The following KCTD7 variants were observed in gnomAD, a reference collection of about 807,000 sequenced individuals.
KCTD7 encodes the protein BTB/POZ domain-containing protein KCTD7.
In KCTD7, 15 loss-of-function variants were observed where a neutral mutation model predicts 27.0. The observed-to-expected ratio is 0.56, with a 90% confidence interval of 0.37 to 0.86. The LOEUF is 0.86. KCTD7 is among the 40% of genes least tolerant of loss of function. KCTD7 has a pLI of 0.00. For synonymous variants in KCTD7, 159 were observed against 162.7 expected (o/e 0.98, Z 0.17); for missense variants, 299 against 398.9 (o/e 0.75, Z 2.13).
chr7:66,639,194 A>G lies in KCTD7; in HGVS notation c.832A>G (p.Lys278Glu), dbSNP rs779871558. 6.2e-6 allele frequency: 10 copies of G among 1,613,608 alleles called. No individual in the cohort carries two copies. Among genetic ancestry groups the G allele is most frequent in the African/African-American group, 1.3e-5 (1 of 74,906 alleles). The change falls in exon 4 of 4, where the codon AAG becomes GAG. Residue 278 changes from lysine to glutamate, a missense_variant. Transcript: ENST00000639828. ...GCACCTCGTGAACCACTACTACTGC[A>G]AGCGCCCCATCTATGAGTTCAAGAT... Reference protein sequence around the residue: ...DKHLVNHYYCKRPIYEFKITW... With the variant: ...DKHLVNHYYCERPIYEFKITW...
Position 66,641,413 on chromosome 7 carries a change from C to T in KCTD7, c.*2181C>T. On this transcript the variant is annotated 3_prime_UTR_variant, in exon 4 of 4. Transcript: ENST00000639828. ...TTGACCCCTTCTGCTTCCCCCTTCT[C>T]CCATGGAGCATGGCAGGGCTTGGTT... 1 of 985,406 alleles carries T rather than the reference C, an allele frequency of 1.0e-6. No individual in the cohort carries two copies. Among genetic ancestry groups the T allele is most frequent in the East Asian group, 1.1e-4 (1 of 8,810 alleles). The allele number at this position is 985,406 out of a possible 1,614,324, so 61.0% of individuals were successfully genotyped here. A position where few individuals can be genotyped will look rare whatever the true frequency, so the allele number is the denominator to read the frequency against.
rs1158987400 is a variant in KCTD7, at chr7:66,642,052, C to T, written c.*2820C>T. ...TGCCTTGAGACGGGCCAGTAGTTAT[C>T]AGTGAGTCAAAGCAAAGTGAAAGTT... On this transcript the variant is annotated 3_prime_UTR_variant, in exon 4 of 4. Transcript: ENST00000639828. The T allele has an allele frequency of 1.0e-6, 1 of 985,274 alleles. No individual in the cohort carries two copies. The highest frequency in any genetic ancestry group is 6.2e-5 in the Admixed American group (1 of 16,254). 61.0% of individuals were successfully genotyped at this position (985,274 alleles called of 1,614,324 possible). A position where few individuals can be genotyped will look rare whatever the true frequency, so the allele number is the denominator to read the frequency against.
Position 66,642,169 on chromosome 7 carries a change from G to C in KCTD7, c.*2937G>C. On this transcript the variant is annotated 3_prime_UTR_variant, in exon 4 of 4. Transcript: ENST00000639828. Reference sequence around the variant, plus strand: ...GTTATAGCAACAAAAAAAGACTGAAGCAAAACCACACTGAAATGCATCCCA... The same window carrying C: ...GTTATAGCAACAAAAAAAGACTGAACCAAAACCACACTGAAATGCATCCCA... The C allele has an allele frequency of 2.0e-6, 2 of 985,320 alleles. No individual in the cohort carries two copies. The highest frequency in any genetic ancestry group is 1.2e-6 in the Non-Finnish European group (1 of 829,918). The allele number at this position is 985,320 out of a possible 1,614,324, so 61.0% of individuals were successfully genotyped here. A position where few individuals can be genotyped will look rare whatever the true frequency, so the allele number is the denominator to read the frequency against.
Position 66,633,449 on chromosome 7 carries a change from G to C in KCTD7, c.314+5G>C, listed in dbSNP as rs752696472. On this transcript the variant is annotated splice_donor_5th_base_variant and intron_variant, in intron 2 of 3. Coordinates refer to ENST00000639828, the MANE Select transcript of KCTD7 (RefSeq NM_153033.5). ...CCGAGATGGCACACACTTTGGGTATGTCTCTCCCTCTACAATCAACTTTGT... is the reference window on the plus strand; with the variant it reads ...CCGAGATGGCACACACTTTGGGTATCTCTCTCCCTCTACAATCAACTTTGT... 9 of 1,614,096 alleles carry C rather than the reference G, an allele frequency of 5.6e-6. No individual in the cohort carries two copies. The highest frequency in any genetic ancestry group is 7.6e-6 in the Non-Finnish European group (9 of 1,179,988).
At position 66,639,595 on chromosome 7, in the gene KCTD7, A is replaced by C; in HGVS notation, c.*363A>C. The C allele has an allele frequency of 7.4e-7, 1 of 1,347,274 alleles. No homozygotes were observed. The allele number at this position is 1,347,274 out of a possible 1,614,324, so 83.5% of individuals were successfully genotyped here. A position where few individuals can be genotyped will look rare whatever the true frequency, so the allele number is the denominator to read the frequency against. On this transcript the variant is annotated 3_prime_UTR_variant, in exon 4 of 4. Transcript: ENST00000639828. ...GCCCATTTTAGAGCCACGTTACCAA[A>C]TCGATGTAGGCCTAATCACTTCCTC... is the stretch of plus-strand genomic sequence containing the variant.
At position 66,641,511 on chromosome 7, in the gene KCTD7, T is replaced by C; in HGVS notation, c.*2279T>C. On this transcript the variant is annotated 3_prime_UTR_variant, in exon 4 of 4. Coordinates refer to ENST00000639828, the MANE Select transcript of KCTD7 (RefSeq NM_153033.5). ...TGCAAGTTTGCTCAAAAACAGGTCC[T>C]GAAGGCTTGCTTAGGATTACAGGGA... The C allele has an allele frequency of 2.0e-6, 2 of 985,430 alleles. No homozygotes were observed. The highest frequency in any genetic ancestry group is 1.2e-6 in the Non-Finnish European group (1 of 829,932). The allele number at this position is 985,430 out of a possible 1,614,324, so 61.0% of individuals were successfully genotyped here. A position where few individuals can be genotyped will look rare whatever the true frequency, so the allele number is the denominator to read the frequency against.
chr7:66,632,441 C>T (rs1320602638), intron 1 of KCTD7, among the ~76,000 whole-genome samples: 6 of 145,090 alleles, frequency 4.1e-5, no homozygotes, highest in African/African-American at 7.7e-5. Context: ...GAGCCGAGAT[C>T]GCGCCACTGA....
rs149443387 is a variant in KCTD7 at position 66,642,084 on chromosome 7, G to C, written c.*2852G>C. The C allele has an allele frequency of 1.0e-6, 1 of 985,406 alleles. No individual in the cohort carries two copies. Among genetic ancestry groups the C allele is most frequent in the East Asian group, 1.1e-4 (1 of 8,818 alleles). 61.0% of individuals were successfully genotyped at this position (985,406 alleles called of 1,614,324 possible). ...TCAAAGCAAAGTGAAAGTTTCAGGAGATGGGACCAATGGTGCAATGCTCGC... is the reference window on the plus strand; with the variant it reads ...TCAAAGCAAAGTGAAAGTTTCAGGACATGGGACCAATGGTGCAATGCTCGC... On this transcript the variant is annotated 3_prime_UTR_variant, in exon 4 of 4. Transcript: ENST00000639828.
In KCTD7 at chr7:66,639,757, TCTC is replaced by T. The variant is rs764374588; in HGVS notation, c.*530_*532del. 5.7e-4 allele frequency: 715 copies of T among 1,249,782 alleles called. 2 individuals are homozygous for T. The highest frequency in any genetic ancestry group is 6.6e-4 in the Non-Finnish European group (656 of 997,978). 77.4% of individuals were successfully genotyped at this position (1,249,782 alleles called of 1,614,324 possible). ...GCATCTTCTCTCCCACTGCACCCCT[TCTC>T]CTCCAAGAATAGTTGCCCACATTCC... On this transcript the variant is annotated 3_prime_UTR_variant, in exon 4 of 4. Coordinates refer to ENST00000639828, the MANE Select transcript of KCTD7 (RefSeq NM_153033.5).
Position 66,641,202 on chromosome 7 carries a change from T to C in KCTD7, c.*1970T>C. ...CTTTTCTGGAGCTGATGTCCCTGCT[T>C]GGAGGTTAGCCCCAAAACATGGCTC... On this transcript the variant is annotated 3_prime_UTR_variant, in exon 4 of 4. Transcript: ENST00000639828. 1 of 985,416 alleles carries C rather than the reference T, an allele frequency of 1.0e-6. No individual in the cohort carries two copies. Among genetic ancestry groups the C allele is most frequent in the Non-Finnish European group, 1.2e-6 (1 of 829,938 alleles). 61.0% of individuals were successfully genotyped at this position (985,416 alleles called of 1,614,324 possible). A position where few individuals can be genotyped will look rare whatever the true frequency, so the allele number is the denominator to read the frequency against.
chr7:66,637,074 A>G (rs1047122898), intron 2 of KCTD7, among the ~76,000 whole-genome samples: 8 of 152,256 alleles, frequency 5.3e-5, no homozygotes, highest in African/African-American at 1.9e-4. Flanking sequence ...GCTTGTGTCC[A>G]CTAAAGGTTT....
At chr7:66,629,239 T>TGGGGAGGGGCGC (rs1786386237) in intron 1 of KCTD7, 31 bp downstream of exon 1, 3 of 1,019,002 alleles carry the variant, frequency 2.9e-6, no homozygotes, top group Non-Finnish European at 3.6e-6. Context: ...CCGCGGGGCG[T>TGGGGAGGGGCGC]GGGGAGGGGC....
At chr7:66,634,198 C>T (rs1325703299) in intron 2 of KCTD7, among the ~76,000 whole-genome samples, 1 of 137,142 alleles carries the variant, frequency 7.3e-6, no homozygotes, top group African/African-American at 2.6e-5. Context: ...GTGATTCTAT[C>T]TATCTATCTA....
intron 2 of KCTD7, among the ~76,000 whole-genome samples, chr7:66,633,982 C>T (rs1030594775): frequency 6.6e-6 from 1 of 151,762 alleles, no homozygotes; most frequent in Non-Finnish European, 1.5e-5. Context: ...GAGATTCCAT[C>T]TCAAAAAACA....
Position 66,640,354 on chromosome 7 carries a change from C to T in KCTD7, c.*1122C>T, listed in dbSNP as rs1038226615. The T allele has an allele frequency of 2.6e-5, 40 of 1,536,700 alleles. No individual in the cohort carries two copies. Among genetic ancestry groups the T allele is most frequent in the Non-Finnish European group, 3.4e-5 (39 of 1,146,564 alleles). Reference sequence around the variant, plus strand: ...CTTCTTTATATTTTGTTTTACTCCTCACTCCTGTATATTTTGGTTTACTTA... The same window carrying T: ...CTTCTTTATATTTTGTTTTACTCCTTACTCCTGTATATTTTGGTTTACTTA... On this transcript the variant is annotated 3_prime_UTR_variant, in exon 4 of 4. Transcript: ENST00000639828.
chr7:66,636,580 C>A (rs1562648852), intron 2 of KCTD7, among the ~76,000 whole-genome samples: 1 of 151,792 alleles, frequency 6.6e-6, no homozygotes, highest in Non-Finnish European at 1.5e-5. Context: ...TCACTGTCTT[C>A]CGCACGTACG....
intron 2 of KCTD7, among the ~76,000 whole-genome samples, chr7:66,635,463 C>T (rs1786565006): frequency 6.6e-6 from 1 of 152,076 alleles, no homozygotes; most frequent in South Asian, 2.1e-4. Context: ...GCTGCACAGG[C>T]TTGTCAAAGA....
Position 66,642,844 on chromosome 7 carries a change from G to T in KCTD7, c.*3612G>T. On this transcript the variant is annotated 3_prime_UTR_variant, in exon 4 of 4. Transcript: ENST00000639828. ...GGATGGGGGTTGGCAGGGGTTGAGG[G>T]AGGTGGGAACAAACAGTGAGTATGG... The T allele has an allele frequency of 1.0e-6, 1 of 985,390 alleles. No individual in the cohort carries two copies. The highest frequency in any genetic ancestry group is 1.2e-6 in the Non-Finnish European group (1 of 829,960). The allele number at this position is 985,390 out of a possible 1,614,324, so 61.0% of individuals were successfully genotyped here. A position where few individuals can be genotyped will look rare whatever the true frequency, so the allele number is the denominator to read the frequency against.
chr7:66,628,889 G>C lies in KCTD7; in HGVS notation c.-176G>C, dbSNP rs1446404421. 12 of 505,020 alleles carry C rather than the reference G, an allele frequency of 2.4e-5. 1 individual carries two copies. Among genetic ancestry groups the C allele is most frequent in the Admixed American group, 4.6e-5 (1 of 21,672 alleles). 31.3% of individuals were successfully genotyped at this position (505,020 alleles called of 1,614,324 possible). On this transcript the variant is annotated 5_prime_UTR_variant, in exon 1 of 4. Coordinates refer to ENST00000639828, the MANE Select transcript of KCTD7 (RefSeq NM_153033.5). The stretch of plus-strand genomic sequence containing the variant: ...CGGTCGGGTCAGGCCCCAGCTGGGC[G>C]CGAGCGGGTCGGCGTTGAGGGAGCC...
Sources: gnomAD v4.1 joint callset for allele counts (sites outside exome capture counted in the v4.1 genomes callset) on GRCh38, gnomAD v4.1.1 for gene constraint, MANE v1.5 for transcripts, NCBI Gene and HGNC (gene_info 2026-07-23, HGNC 2026-07-21) for gene names.